Variants in ITGAV observed in about 807,000 individuals in gnomAD.
ITGAV encodes the protein integrin alpha-V.
Under a neutral mutation model 143.8 loss-of-function variants are expected in ITGAV, and 76 were observed. The ratio of observed to expected loss-of-function variants is 0.53; its 90% CI spans 0.44 to 0.64. The LOEUF is 0.64. Ranked by LOEUF, ITGAV falls within the 30% of genes least tolerant of loss-of-function variation. The pLI, the probability that ITGAV is intolerant of heterozygous loss-of-function variation, is 0.00. For synonymous variants in ITGAV, 453 were observed against 446.7 expected (o/e 1.01, Z -0.18); for missense variants, 1,193 against 1,274.7 (o/e 0.94, Z 0.98).
At chr2:186,660,234 C>A (rs775672458) in intron 18 of ITGAV, among the ~76,000 whole-genome samples, 6 of 152,102 alleles carry the variant, frequency 3.9e-5, no homozygotes, top group Non-Finnish European at 8.8e-5. Context: ...CATCCAATTT[C>A]TTTAATGCCA....
chr2:186,662,935 T>C (rs1256278643), intron 18 of ITGAV, among the ~76,000 whole-genome samples: 1 of 152,162 alleles, frequency 6.6e-6, no homozygotes, highest in East Asian at 1.9e-4. Context: ...GCTTCTGTGC[T>C]TGAAGCCCTT....
Position 186,638,534 on chromosome 2 carries a change from C to T in ITGAV, c.903+69C>T, listed in dbSNP as rs374074224. 752 of 1,112,964 alleles carry T rather than the reference C, an allele frequency of 6.8e-4. 5 individuals are homozygous for T. Among genetic ancestry groups the T allele is most frequent in the African/African-American group, 1.5e-3 (96 of 63,506 alleles). The allele number at this position is 1,112,964 out of a possible 1,614,324, so 68.9% of individuals were successfully genotyped here. On this transcript the variant is annotated intron_variant, in intron 10 of 29. Coordinates refer to ENST00000261023, the MANE Select transcript of ITGAV (RefSeq NM_002210.5). ...GTATGTACTCATTGGAGAAAATTTG[C>T]GAAATAAAACTGTAAAAATGAACTA...
At chr2:186,663,263 C>T (rs900017231) in intron 18 of ITGAV, among the ~76,000 whole-genome samples, 3 of 152,118 alleles carry the variant, frequency 2.0e-5, no homozygotes, top group African/African-American at 7.2e-5. Flanking sequence ...GCCCCTTGGT[C>T]TCTCTGCCTG....
At chr2:186,673,360 C>A (rs928476539) in intron 26 of ITGAV, among the ~76,000 whole-genome samples, 1 of 152,092 alleles carries the variant, frequency 6.6e-6, no homozygotes, top group African/African-American at 2.4e-5. Flanking sequence ...AATATGAATA[C>A]ATTTTATTCC....
At chr2:186,656,213 A>T in intron 16 of ITGAV, 34 bp from the exon 17 acceptor site, 1 of 1,524,282 alleles carries the variant, frequency 6.6e-7, no homozygotes, top group Non-Finnish European at 8.9e-7. Flanking sequence ...GTCCATAAAG[A>T]ATATGTTGGT....
chr2:186,643,022 A>G (rs1308461748), intron 12 of ITGAV, among the ~76,000 whole-genome samples: 1 of 152,208 alleles, frequency 6.6e-6, no homozygotes, highest in Non-Finnish European at 1.5e-5. Context: ...AACAAAAGCT[A>G]CATAGGAAAT....
Position 186,590,233 on chromosome 2 carries a change from C to T in ITGAV, c.-106C>T. 1.0e-6 allele frequency: 1 copy of T among 998,060 alleles called. No individual in the cohort carries two copies. The highest frequency in any genetic ancestry group is 1.3e-6 in the Non-Finnish European group (1 of 744,434). 61.8% of individuals were successfully genotyped at this position (998,060 alleles called of 1,614,324 possible). On this transcript the variant is annotated 5_prime_UTR_variant, in exon 1 of 30. Transcript: ENST00000261023. ...GGCTAGCCGAGAAGAGAGCGGCCGGCAAGTTTGGGCGCGCGCAGGCGGCGG... is the reference window on the plus strand; with the variant it reads ...GGCTAGCCGAGAAGAGAGCGGCCGGTAAGTTTGGGCGCGCGCAGGCGGCGG...
chr2:186,607,160 GA>G (rs1687090910), intron 2 of ITGAV, among the ~76,000 whole-genome samples: 1 of 152,098 alleles, frequency 6.6e-6, no homozygotes, highest in Admixed American at 6.6e-5. Flanking sequence ...TGATCACGAA[GA>G]GTATAAATTG....
intron 26 of ITGAV, among the ~76,000 whole-genome samples, chr2:186,671,593 C>T (rs1689063643): frequency 6.6e-6 from 1 of 152,136 alleles, no homozygotes; most frequent in African/African-American, 2.4e-5. Context: ...TTTCTGTCCT[C>T]CTTCAGAATC....
At chr2:186,601,641 G>GCACA (rs373696287) in intron 1 of ITGAV, among the ~76,000 whole-genome samples, 2 of 149,732 alleles carry the variant, frequency 1.3e-5, no homozygotes, top group African/African-American at 4.9e-5. Flanking sequence ...ACACGCACAT[G>GCACA]CACACACACA....
chr2:186,631,128 T>G (rs540356211), intron 5 of ITGAV, among the ~76,000 whole-genome samples: 5 of 152,292 alleles, frequency 3.3e-5, no homozygotes, highest in African/African-American at 1.2e-4. Flanking sequence ...TAGGTAACTA[T>G]TATGACTTAA....
In ITGAV at chr2:186,616,945, G is replaced by A. The variant is rs1464563900; in HGVS notation, c.317-5394G>A. 2.7e-5 allele frequency among the ~76,000 whole-genome samples: 4 copies of A among 150,762 alleles called. No individual in the cohort carries two copies. The East Asian group carries it at 7.9e-4, about 30-fold the overall frequency. ...TAGGAAGTACAACTAAACAAGTGAT[G>A]TTTGAAGTAAAAAGCTGCTTAAGAA... On this transcript the variant is annotated intron_variant, in intron 2 of 29. Coordinates refer to ENST00000261023, the MANE Select transcript of ITGAV (RefSeq NM_002210.5).
intron 19 of ITGAV, 130 bp downstream of exon 19, chr2:186,663,965 C>G: frequency 3.1e-6 from 2 of 635,152 alleles, no homozygotes; most frequent in Non-Finnish European, 5.5e-6. Context: ...TTCTATAACA[C>G]TAAAACTATC....
At chr2:186,664,899 A>G (rs912887339) in intron 20 of ITGAV, among the ~76,000 whole-genome samples, 3 of 152,162 alleles carry the variant, frequency 2.0e-5, no homozygotes, top group Admixed American at 6.5e-5. Flanking sequence ...CTGTCCATCA[A>G]ATTATTTGTC....
intron 4 of ITGAV, among the ~76,000 whole-genome samples, chr2:186,629,881 A>G (rs1423803627): frequency 1.3e-5 from 2 of 152,224 alleles, no homozygotes; most frequent in Middle Eastern, 3.4e-3. Context: ...TCATCCTTAC[A>G]TGTGTTCTAG....
intron 2 of ITGAV, among the ~76,000 whole-genome samples, chr2:186,606,101 A>T (rs566915046): frequency 6.6e-6 from 1 of 152,310 alleles, no homozygotes; most frequent in Non-Finnish European, 1.5e-5. Context: ...ATTAAACTAT[A>T]TGGTATTGAG....
At chr2:186,646,950 T>A in intron 13 of ITGAV, 73 bp downstream of exon 13, 1 of 974,154 alleles carries the variant, frequency 1.0e-6, no homozygotes, top group South Asian at 2.1e-5. Flanking sequence ...TTACTGTTCT[T>A]GATTTATGTT....
Position 186,666,754 on chromosome 2 carries a change from T to C in ITGAV, c.2217T>C (p.Thr739=), listed in dbSNP as rs202075539. ...FSVHQQSEMD[T]SVKFDLQIQS... The stretch of plus-strand genomic sequence containing the variant: ...TGCACCAGCAGTCAGAGATGGATAC[T>C]TCTGTGAAATTTGACTTACAAATCC... The change falls in exon 22 of 30, where the codon ACT becomes ACC. Residue 739 remains threonine, a synonymous_variant. Transcript: ENST00000261023. The C allele has an allele frequency of 3.1e-4, 494 of 1,584,730 alleles. 5 individuals carry two copies. The South Asian group carries it at 5.4e-3, about 17-fold the overall frequency.
chr2:186,600,311 C>A, intron 1 of ITGAV: 2 of 1,535,902 alleles, frequency 1.3e-6, no homozygotes, highest in Admixed American at 2.0e-5. Flanking sequence ...CCACCCCCCA[C>A]TCCCCTCCAT....
Sources: allele counts gnomAD v4.1 joint callset (sites outside exome capture counted in the v4.1 genomes callset), GRCh38; gene constraint gnomAD v4.1.1; transcripts MANE v1.5; gene names NCBI Gene and HGNC (gene_info 2026-07-23, HGNC 2026-07-21).